Variants in RAB3GAP2 observed in about 807,000 individuals in gnomAD.
RAB3GAP2 encodes the protein RAB3 GTPase activating non-catalytic protein subunit 2, also known as rab3 GTPase-activating protein non-catalytic subunit.
In RAB3GAP2, 87 loss-of-function variants were observed where a neutral mutation model predicts 185.3. That is an observed-to-expected ratio of 0.47 (90% CI 0.39 to 0.56). The LOEUF is 0.56. RAB3GAP2 is among the 20% of genes least tolerant of loss of function. The probability of loss-of-function intolerance (pLI) is 0.00; values close to 1 mark genes in which losing one functional copy is unlikely to be tolerated. For synonymous variants in RAB3GAP2, 554 were observed against 576.1 expected (o/e 0.96, Z 0.55); for missense variants, 1,492 against 1,638.2 (o/e 0.91, Z 1.54).
intron 12 of RAB3GAP2, among the ~76,000 whole-genome samples, chr1:220,194,704 T>A (rs886462082): frequency 6.6e-6 from 1 of 152,204 alleles, no homozygotes; most frequent in East Asian, 1.9e-4. Flanking sequence ...GGATGACTTT[T>A]TTAAAAAGAA....
chr1:220,259,400 C>T lies in RAB3GAP2; in HGVS notation c.115+12823G>A, dbSNP rs188210751. On this transcript the variant is annotated intron_variant, in intron 1 of 34. Transcript: ENST00000358951. ...AGAACAGACACATACACCAATGGAA[C>T]AGAACAGAGAACTCAGAAATAAGGC... 2.1e-4 allele frequency among the ~76,000 whole-genome samples: 32 copies of T among 152,162 alleles called. No individual in the cohort carries two copies. The East Asian group carries it at 6.2e-3, about 29-fold the overall frequency.
Position 220,149,476 on chromosome 1 carries a change from T to C in RAB3GAP2, c.*1775A>G, listed in dbSNP as rs1657701400. The C allele has an allele frequency of 6.6e-6, 1 of 152,228 alleles. No homozygotes were observed. Among genetic ancestry groups the C allele is most frequent in the Non-Finnish European group, 1.5e-5 (1 of 68,032 alleles). 9.4% of individuals were successfully genotyped at this position (152,228 alleles called of 1,614,324 possible). ...AAAATACCTATAACTCCAAGTTTCT[T>C]TGACTAGCCTCCTTAAGTTCATACT... On this transcript the variant is annotated 3_prime_UTR_variant, in exon 35 of 35. Coordinates refer to ENST00000358951, the MANE Select transcript of RAB3GAP2 (RefSeq NM_012414.4).
At chr1:220,253,908 C>A (rs1659985353) in intron 1 of RAB3GAP2, 1 of 1,613,664 alleles carries the variant, frequency 6.2e-7, no homozygotes, top group East Asian at 2.2e-5. Context: ...CGAAAAAGAA[C>A]AAACAGAAAA....
intron 1 of RAB3GAP2, chr1:220,267,274 A>G: frequency 1.1e-6 from 1 of 907,276 alleles, no homozygotes; most frequent in Non-Finnish European, 1.9e-6. Context: ...GACTGTTTCA[A>G]GTGGTGTATA....
In RAB3GAP2 at chr1:220,191,238, G is replaced by A. The variant is rs1658613366; in HGVS notation, c.1317C>T (p.Leu439=). Residue 439 remains leucine (L), a synonymous_variant, in exon 14 of 35, where the codon CTC becomes CTT. Coordinates refer to ENST00000358951, the MANE Select transcript of RAB3GAP2 (RefSeq NM_012414.4). ...CTGCCTTTTCTGGCACTCTTTCATG[G>A]AGGTCCTCTACAGTTTGAATCCATC... ...QIGWIQTVED[L]HERVPEKADF... The A allele has an allele frequency of 1.2e-6, 2 of 1,613,658 alleles. No homozygotes were observed. Among genetic ancestry groups the A allele is most frequent in the Non-Finnish European group, 8.5e-7 (1 of 1,179,908 alleles).
chr1:220,210,264 T>C, intron 7 of RAB3GAP2, 124 bp downstream of exon 7: 3 of 784,976 alleles, frequency 3.8e-6, no homozygotes, highest in Admixed American at 3.4e-5. Flanking sequence ...TAGACTATGA[T>C]AGCAGAGCTA....
intron 1 of RAB3GAP2, among the ~76,000 whole-genome samples, chr1:220,251,376 T>G (rs1659926898): frequency 1.3e-5 from 2 of 152,210 alleles, no homozygotes; most frequent in East Asian, 3.8e-4. Context: ...GGTTAAGAGA[T>G]ATGATTATAT....
intron 8 of RAB3GAP2, among the ~76,000 whole-genome samples, chr1:220,205,157 T>C (rs184483057): frequency 6.7e-6 from 1 of 150,308 alleles, no homozygotes; most frequent in Non-Finnish European, 1.5e-5. Flanking sequence ...AACAATAGTG[T>C]ATCTTACAAT....
At chr1:220,171,265 G>A (rs1263327317) in intron 23 of RAB3GAP2, 145 bp from the exon 24 acceptor site, 9 of 791,364 alleles carry the variant, frequency 1.1e-5, no homozygotes, top group Non-Finnish European at 1.9e-5. Flanking sequence ...TTACTACTTG[G>A]CTGGATGAAA....
chr1:220,259,902 G>C (rs1245614424), intron 1 of RAB3GAP2, among the ~76,000 whole-genome samples: 1 of 151,788 alleles, frequency 6.6e-6, no homozygotes, highest in Non-Finnish European at 1.5e-5. Context: ...GAAAAAACAA[G>C]CAACCACATT....
chr1:220,237,516 A>G (rs552206778), intron 1 of RAB3GAP2, among the ~76,000 whole-genome samples: 22 of 152,324 alleles, frequency 1.4e-4, no homozygotes, highest in African/African-American at 5.3e-4. Context: ...GGTAGGCCTT[A>G]AAACCTTTAC....
rs1657704610 is a variant in RAB3GAP2, at chr1:220,149,589, A to ATGTT, written c.*1658_*1661dup. ...AGTGACTGTTAACACAGAGCCAGAT[A>ATGTT]TGTTTACAAGAATTCTAGGATGTGT... On this transcript the variant is annotated 3_prime_UTR_variant, in exon 35 of 35. Coordinates refer to ENST00000358951, the MANE Select transcript of RAB3GAP2 (RefSeq NM_012414.4). 6.6e-6 allele frequency: 1 copy of ATGTT among 152,190 alleles called. No homozygotes were observed. The highest frequency in any genetic ancestry group is 1.5e-5 in the Non-Finnish European group (1 of 68,030). The allele number at this position is 152,190 out of a possible 1,614,324, so 9.4% of individuals were successfully genotyped here. A position where few individuals can be genotyped will look rare whatever the true frequency, so the allele number is the denominator to read the frequency against.
intron 33 of RAB3GAP2, among the ~76,000 whole-genome samples, chr1:220,152,237 A>T (rs1377460601): frequency 6.6e-6 from 1 of 152,130 alleles, no homozygotes; most frequent in Non-Finnish European, 1.5e-5. Context: ...CACCACGCCC[A>T]GCTAATTTTT....
intron 2 of RAB3GAP2, among the ~76,000 whole-genome samples, chr1:220,225,521 G>A (rs1256339906): frequency 1.3e-5 from 2 of 152,138 alleles, no homozygotes; most frequent in African/African-American, 2.4e-5. Context: ...CTACTCACTA[G>A]ATGCACCCCC....
chr1:220,247,359 C>T (rs1248869185), intron 1 of RAB3GAP2, among the ~76,000 whole-genome samples: 3 of 152,144 alleles, frequency 2.0e-5, no homozygotes, highest in East Asian at 3.8e-4. Context: ...AACCTAAGTG[C>T]CCATCAACCA....
chr1:220,170,558 T>C (rs902843494), intron 24 of RAB3GAP2, among the ~76,000 whole-genome samples: 2 of 152,198 alleles, frequency 1.3e-5, no homozygotes, highest in African/African-American at 2.4e-5. Flanking sequence ...ATTCAATCTA[T>C]TGTGCTCTGT....
rs2102847569 is a variant in RAB3GAP2 at position 220,149,797 on chromosome 1, A to G, written c.*1454T>C. The G allele has an allele frequency of 6.6e-6, 1 of 152,336 alleles. No homozygotes were observed. The highest frequency in any genetic ancestry group is 2.1e-4 in the South Asian group (1 of 4,826). 9.4% of individuals were successfully genotyped at this position (152,336 alleles called of 1,614,324 possible). On this transcript the variant is annotated 3_prime_UTR_variant, in exon 35 of 35. Transcript: ENST00000358951. ...TGATAGTTACTTAACAGTAATTACT[A>G]AATTTTAGCCAGTTAAATTCTTGTT...
At chr1:220,189,238 C>G (rs899706020) in intron 17 of RAB3GAP2, among the ~76,000 whole-genome samples, 2 of 151,564 alleles carry the variant, frequency 1.3e-5, no homozygotes, top group Admixed American at 1.3e-4. Flanking sequence ...GTATATAAAA[C>G]ACACTCAGAT....
chr1:220,154,134 TTAA>T (rs1657814700), intron 31 of RAB3GAP2, 77 bp from the exon 32 acceptor site: 3 of 1,568,436 alleles, frequency 1.9e-6, no homozygotes, highest in Non-Finnish European at 2.6e-6. Flanking sequence ...TGTTTAAAAC[TTAA>T]TAATAACTTA....
Sources: gnomAD v4.1 joint callset for allele counts (sites outside exome capture counted in the v4.1 genomes callset) on GRCh38, gnomAD v4.1.1 for gene constraint, MANE v1.5 for transcripts, NCBI Gene and HGNC (gene_info 2026-07-23, HGNC 2026-07-21) for gene names.